ARHGAP27: variants seen among roughly 807,000 people sequenced by gnomAD.
The protein encoded by ARHGAP27 is rho GTPase-activating protein 27.
ARHGAP27 carries 53 observed loss-of-function variants against 102.0 expected under a neutral mutation model. That is an observed-to-expected ratio of 0.52 (90% CI 0.42 to 0.65). The LOEUF (loss-of-function observed/expected upper bound fraction) is 0.65, where lower values mean the gene tolerates loss of function less well. Among genes scored for constraint, ARHGAP27 ranks in the 30% least tolerant of loss-of-function variants. The probability of loss-of-function intolerance (pLI) is 0.00; values close to 1 mark genes in which losing one functional copy is unlikely to be tolerated. For missense variants in ARHGAP27, 1,117 were observed against 1,256.2 expected (o/e 0.89, Z 1.68); for synonymous variants, 525 against 542.8 (o/e 0.97, Z 0.46).
intron 12 of ARHGAP27, among the ~76,000 whole-genome samples, chr17:45,401,918 G>A (rs577132051): frequency 4.9e-4 from 74 of 152,246 alleles, no homozygotes; most frequent in African/African-American, 1.7e-3. Context: ...TCATGGTCCT[G>A]GCTTTTCAGT....
intron 12 of ARHGAP27, among the ~76,000 whole-genome samples, chr17:45,399,393 C>A (rs2046148475): frequency 6.6e-6 from 1 of 151,974 alleles, no homozygotes; most frequent in South Asian, 2.1e-4. Flanking sequence ...GAGATGGAGA[C>A]CATTCTGGCT....
chr17:45,429,559 G>T (rs1242118710), intron 4 of ARHGAP27, 64 bp downstream of exon 4: 6 of 1,565,804 alleles, frequency 3.8e-6, no homozygotes, highest in Admixed American at 1.9e-5. Flanking sequence ...TTGCGCCCCG[G>T]CTCCGTGCGG....
intron 13 of ARHGAP27, 54 bp downstream of exon 13, chr17:45,397,895 C>T (rs756795398): frequency 2.0e-6 from 3 of 1,505,492 alleles, no homozygotes; most frequent in East Asian, 2.3e-5. Flanking sequence ...GAGGGCCCCA[C>T]TCATAATGGC....
At chr17:45,406,206 T>G (rs2047150422) in intron 4 of ARHGAP27, 123 bp from the exon 5 acceptor site, 1 of 1,175,578 alleles carries the variant, frequency 8.5e-7, no homozygotes, top group Non-Finnish European at 1.1e-6. Context: ...CTTTAAACTT[T>G]TCTGCAGCCT....
At position 45,396,261 on chromosome 17, in the gene ARHGAP27, G is replaced by A. The variant is rs1323156100; in HGVS notation, c.2197C>T (p.Arg733Cys). Residue 733 changes from arginine (R) to cysteine (C), a missense_variant, in exon 17 of 20, where the codon CGC becomes TGC. By Grantham distance (180) the Arg-to-Cys change is radical. This residue lies in a region of ARHGAP27 where 493 missense variants were observed against 505.5 expected (regional missense o/e 0.98). Coordinates refer to ENST00000685559, the MANE Select transcript of ARHGAP27 (RefSeq NM_001282290.2). ...ARGLDIDGLY[R>C]ISGNLATIQK... ...ATGGTGGCCAGGTTTCCACTGATGC[G>A]GTACAGCCCGTCGATGTCCAGCCCT... 2.5e-6 allele frequency: 4 copies of A among 1,613,146 alleles called. No individual in the cohort carries two copies. The highest frequency in any genetic ancestry group is 1.1e-5 in the South Asian group (1 of 91,042).
intron 4 of ARHGAP27, among the ~76,000 whole-genome samples, chr17:45,411,363 C>T (rs367559363): frequency 1.8e-4 from 27 of 152,210 alleles, no homozygotes; most frequent in African/African-American, 5.8e-4. Context: ...TGCTGAAGTC[C>T]ACCTCCTTTC....
chr17:45,397,357 G>T (rs1456088441), intron 13 of ARHGAP27: 1 of 1,160,498 alleles, frequency 8.6e-7, no homozygotes, highest in Non-Finnish European at 1.1e-6. Flanking sequence ...CTCAATACGT[G>T]GCTCCCAGTT....
chr17:45,423,765 G>A (rs1324485308), intron 4 of ARHGAP27, among the ~76,000 whole-genome samples: 1 of 152,154 alleles, frequency 6.6e-6, no homozygotes, highest in Non-Finnish European at 1.5e-5. Context: ...AGGTGAATAT[G>A]GTAAATGAAA....
intron 4 of ARHGAP27, among the ~76,000 whole-genome samples, chr17:45,428,561 G>C (rs551846628): frequency 3.3e-5 from 5 of 152,346 alleles, no homozygotes; most frequent in Admixed American, 3.3e-4. Flanking sequence ...CCAGCAGCGG[G>C]CCTACGGAGG....
At chr17:45,406,171 G>T in intron 4 of ARHGAP27, 88 bp from the exon 5 acceptor site, 2 of 1,351,448 alleles carry the variant, frequency 1.5e-6, no homozygotes, top group Non-Finnish European at 1.9e-6. Context: ...CGATTATAGG[G>T]GTTTATTTGT....
At chr17:45,412,390 C>T (rs915297676) in intron 4 of ARHGAP27, among the ~76,000 whole-genome samples, 1 of 152,238 alleles carries the variant, frequency 6.6e-6, no homozygotes, top group Admixed American at 6.5e-5. Flanking sequence ...CACAACACCC[C>T]TCCTTTCCCC....
intron 4 of ARHGAP27, among the ~76,000 whole-genome samples, chr17:45,426,953 T>G (rs1047082878): frequency 1.8e-4 from 28 of 152,126 alleles, no homozygotes; most frequent in African/African-American, 6.5e-4. Context: ...GCCAGCACTC[T>G]CATGCTTCTC....
intron 4 of ARHGAP27, among the ~76,000 whole-genome samples, chr17:45,421,999 C>T (rs998131182): frequency 1.4e-4 from 21 of 152,154 alleles, no homozygotes; most frequent in African/African-American, 5.1e-4. Context: ...AACCCTATCT[C>T]TACTAAAAAT....
At chr17:45,402,663 G>T in intron 12 of ARHGAP27, 51 bp downstream of exon 12, 1 of 1,492,786 alleles carries the variant, frequency 6.7e-7, no homozygotes, top group Non-Finnish European at 9.3e-7. Context: ...TCAGAGAGCT[G>T]GCAGGCATCA....
rs188994744 is a variant in ARHGAP27 at position 45,418,540 on chromosome 17, C to A, written c.657+11083G>T. Among the ~76,000 whole-genome samples the A allele has an allele frequency of 1.2e-3, 186 of 152,324 alleles. 1 individual carries two copies. Among genetic ancestry groups the A allele is most frequent in the African/African-American group, 4.1e-3 (169 of 41,586 alleles). On this transcript the variant is annotated intron_variant, in intron 4 of 19. Coordinates refer to ENST00000685559, the MANE Select transcript of ARHGAP27 (RefSeq NM_001282290.2). ...ACAGACTTGCCCTTCCAGCTCCCCCCACCCCCGAAGTGTTACAAAGTAGTT... is the reference window on the plus strand; with the variant it reads ...ACAGACTTGCCCTTCCAGCTCCCCCAACCCCCGAAGTGTTACAAAGTAGTT...
At position 45,412,693 on chromosome 17, in the gene ARHGAP27, TTC is replaced by T. The variant is rs1567717862; in HGVS notation, c.658-6612_658-6611del. On this transcript the variant is annotated intron_variant, in intron 4 of 19. Transcript: ENST00000685559. ...GACAGGTCCCTCCCCCAAACACATG[TTC>T]TCCAGGACAGAAACTGGGTCTCCCT... 1.6e-4 allele frequency among the ~76,000 whole-genome samples: 24 copies of T among 152,286 alleles called. No individual in the cohort carries two copies. The South Asian group carries it at 4.8e-3, about 30-fold the overall frequency.
chr17:45,422,949 G>C (rs1235712280), intron 4 of ARHGAP27, among the ~76,000 whole-genome samples: 4 of 152,184 alleles, frequency 2.6e-5, no homozygotes, highest in Non-Finnish European at 4.4e-5. Context: ...GGGAGGCTGA[G>C]GTGGGTGGAT....
intron 11 of ARHGAP27, 31 bp downstream of exon 11, chr17:45,403,588 G>T (rs749392357): frequency 3.9e-6 from 6 of 1,520,898 alleles, no homozygotes; most frequent in Non-Finnish European, 5.4e-6. Flanking sequence ...AAGCAGATGG[G>T]ATGGTCCCTG....
intron 4 of ARHGAP27, among the ~76,000 whole-genome samples, chr17:45,422,379 T>C (rs1362162103): frequency 6.6e-6 from 1 of 151,770 alleles, no homozygotes; most frequent in Non-Finnish European, 1.5e-5. Flanking sequence ...ATCACACCAC[T>C]GCACTCCAAC....
Sources: allele counts gnomAD v4.1 joint callset (sites outside exome capture counted in the v4.1 genomes callset), GRCh38; gene constraint gnomAD v4.1.1; regional missense constraint gnomAD v4.1.1; transcripts MANE v1.5; gene names NCBI Gene and HGNC (gene_info 2026-07-23, HGNC 2026-07-21).